Variants in RGS12 observed in about 807,000 individuals in gnomAD.
The protein encoded by RGS12 is regulator of G protein signaling 12.
Under a neutral mutation model 120.1 loss-of-function variants are expected in RGS12, and 66 were observed. That is an observed-to-expected ratio of 0.55 (90% confidence interval 0.45 to 0.67). The LOEUF (loss-of-function observed/expected upper bound fraction) is 0.67, where lower values mean the gene tolerates loss of function less well. Ranked by LOEUF, RGS12 falls within the 30% of genes least tolerant of loss-of-function variation. The pLI is 0.00. For synonymous variants in RGS12, 827 were observed against 804.7 expected (o/e 1.03, Z -0.47); for missense variants, 1,859 against 1,957.7 (o/e 0.95, Z 0.95).
chr4:3,315,702 T>C (rs1724691701), intron 1 of RGS12, among the ~76,000 whole-genome samples: 1 of 152,214 alleles, frequency 6.6e-6, no homozygotes, highest in Non-Finnish European at 1.5e-5. Context: ...GTTTCTTCTG[T>C]GTGGAGCCCG....
chr4:3,381,972 C>T (rs1718307733), intron 3 of RGS12, among the ~76,000 whole-genome samples: 1 of 152,194 alleles, frequency 6.6e-6, no homozygotes, highest in Non-Finnish European at 1.5e-5. Flanking sequence ...TATGTGAAGG[C>T]CAGAGGCTTC....
At position 3,410,495 on chromosome 4, in the gene RGS12, A is replaced by T. The variant is rs545766898; in HGVS notation, c.2021-3577A>T. ...TTCTGTGCCTTTGGGGGGGCTGTCC[A>T]GCCAGCTCTGGTCTTCCGTCTCCCA... On this transcript the variant is annotated intron_variant, in intron 4 of 17. Coordinates refer to ENST00000336727, the MANE Select transcript of RGS12 (RefSeq NM_001394154.1). Among the ~76,000 whole-genome samples, 3 of 152,338 alleles carry T rather than the reference A, an allele frequency of 2.0e-5. No individual in the cohort carries two copies. In the East Asian group the frequency reaches 5.8e-4, roughly 29 times the overall value.
intron 4 of RGS12, chr4:3,413,018 ACGGGGGCGCCCC>A (rs1721909766): frequency 8.3e-6 from 1 of 120,644 alleles, no homozygotes; most frequent in Admixed American, 7.9e-5. Context: ...GTCAGGAGGG[ACGGGGGCGCCCC>A]CACACTGCTC....
intron 2 of RGS12, among the ~76,000 whole-genome samples, chr4:3,334,057 C>A (rs1712180462): frequency 1.3e-5 from 2 of 151,958 alleles, no homozygotes; most frequent in South Asian, 4.2e-4. Flanking sequence ...ATAAATGGTA[C>A]CTTTTAAAAA....
At chr4:3,347,157 C>T (rs1053128754) in intron 3 of RGS12, among the ~76,000 whole-genome samples, 5 of 152,112 alleles carry the variant, frequency 3.3e-5, no homozygotes, top group African/African-American at 4.8e-5. Context: ...AGAAAGATAA[C>T]GTTCTGGCCA....
At chr4:3,362,646 T>G (rs1715750592) in intron 3 of RGS12, among the ~76,000 whole-genome samples, 1 of 113,368 alleles carries the variant, frequency 8.8e-6, no homozygotes, top group African/African-American at 3.5e-5. Flanking sequence ...AGAGTGAGGG[T>G]GTGTCAGTGT....
intron 3 of RGS12, among the ~76,000 whole-genome samples, chr4:3,346,311 T>C (rs977748001): frequency 4.6e-5 from 7 of 152,172 alleles, no homozygotes; most frequent in Non-Finnish European, 1.0e-4. Context: ...CTACTGATTG[T>C]GAAATTTCGA....
At chr4:3,313,519 C>G (rs1466267373) in intron 1 of RGS12, among the ~76,000 whole-genome samples, 1 of 152,192 alleles carries the variant, frequency 6.6e-6, no homozygotes, top group Non-Finnish European at 1.5e-5. Context: ...CCTGGGGTTG[C>G]TGAAAGAAAT....
At chr4:3,339,741 G>A (rs748934440) in intron 2 of RGS12, among the ~76,000 whole-genome samples, 2 of 152,196 alleles carry the variant, frequency 1.3e-5, no homozygotes, top group Non-Finnish European at 2.9e-5. Context: ...GTGGGCGGGC[G>A]GTTGCTGGGC....
At chr4:3,328,785 A>C (rs1337711861) in intron 2 of RGS12, among the ~76,000 whole-genome samples, 1 of 152,160 alleles carries the variant, frequency 6.6e-6, no homozygotes, top group East Asian at 1.9e-4. Context: ...GTTGGTTTAT[A>C]ATTTTCTCCT....
intron 2 of RGS12, chr4:3,324,749 T>C (rs1560087133): frequency 6.6e-6 from 1 of 152,328 alleles, no homozygotes; most frequent in African/African-American, 2.4e-5. Flanking sequence ...TTTGGCCTTC[T>C]TCCCTTTCAG....
intron 4 of RGS12, among the ~76,000 whole-genome samples, chr4:3,408,378 T>A (rs1387412472): frequency 1.3e-5 from 2 of 152,188 alleles, no homozygotes; most frequent in Admixed American, 6.5e-5. Flanking sequence ...GAGACGACTT[T>A]CCGTGTGTGT....
At chr4:3,398,569 A>G (rs932669968) in intron 4 of RGS12, among the ~76,000 whole-genome samples, 1 of 152,236 alleles carries the variant, frequency 6.6e-6, no homozygotes, top group Admixed American at 6.5e-5. Context: ...GCATAACAAT[A>G]TTAATATCAG....
intron 2 of RGS12, among the ~76,000 whole-genome samples, chr4:3,329,373 C>A (rs1014571446): frequency 2.6e-5 from 4 of 152,130 alleles, no homozygotes; most frequent in African/African-American, 4.8e-5. Context: ...CTCTGAGTGG[C>A]ATGAGAAGTT....
chr4:3,435,374 G>C (rs757896344), intron 17 of RGS12, among the ~76,000 whole-genome samples: 1 of 152,034 alleles, frequency 6.6e-6, no homozygotes, highest in African/African-American at 2.4e-5. Context: ...CCCGCCCTCC[G>C]CAGGAGCAGA....
At chr4:3,395,979 T>A (rs1282537224) in intron 4 of RGS12, among the ~76,000 whole-genome samples, 1 of 152,234 alleles carries the variant, frequency 6.6e-6, no homozygotes, top group Non-Finnish European at 1.5e-5. Flanking sequence ...GTACTTTAAA[T>A]CATTTCTAGA....
At chr4:3,342,896 T>TAAGA (rs1206266111) in intron 2 of RGS12, 41 bp from the exon 3 acceptor site, 4 of 1,363,644 alleles carry the variant, frequency 2.9e-6, no homozygotes, top group Non-Finnish European at 4.2e-6. Context: ...AAACATCTCT[T>TAAGA]TGCAAAAGAA....
At chr4:3,414,493 G>A (rs553812722) in intron 5 of RGS12, 130 of 595,954 alleles carry the variant, frequency 2.2e-4, no homozygotes, top group African/African-American at 1.7e-3. Context: ...TCTGCAGCCC[G>A]CAGCACTGGA....
At chr4:3,414,638 G>T in intron 5 of RGS12, 114 bp from the exon 6 acceptor site, 1 of 765,356 alleles carries the variant, frequency 1.3e-6, no homozygotes. Flanking sequence ...CTCTCTCCAG[G>T]CCCTCGGGCA....
Sources: gnomAD v4.1 joint callset for allele counts (sites outside exome capture counted in the v4.1 genomes callset) on GRCh38, gnomAD v4.1.1 for gene constraint, MANE v1.5 for transcripts, NCBI Gene and HGNC (gene_info 2026-07-23, HGNC 2026-07-21) for gene names.